Variants in SLA observed in about 807,000 individuals in gnomAD.
SLA encodes Src like adaptor.
In SLA, 16 loss-of-function variants were observed where a neutral mutation model predicts 30.3. The observed-to-expected ratio is 0.53, with a 90% confidence interval of 0.36 to 0.80. The LOEUF is 0.80. Ranked by LOEUF, SLA falls within the 30% of genes least tolerant of loss-of-function variation. The probability of loss-of-function intolerance (pLI) is 0.01; values close to 1 mark genes in which losing one functional copy is unlikely to be tolerated. For missense variants in SLA, 310 were observed against 345.2 expected, an observed-to-expected ratio of 0.90 and a Z score of 0.81; for synonymous variants, 143 against 137.8, an observed-to-expected ratio of 1.04 and a Z score of -0.26.
At chr8:133,057,356 A>G (rs1478010906) in intron 3 of SLA, among the ~76,000 whole-genome samples, 2 of 152,234 alleles carry the variant, frequency 1.3e-5, no homozygotes, top group African/African-American at 4.8e-5. Context: ...AGAAGTATGT[A>G]TAGAATTGTA....
rs1189000482 is a variant in SLA at position 133,037,456 on chromosome 8, T to C, written c.*1068A>G. ...TCTAAAAAATCCAGCTATTCTTACC[T>C]ACCCGATCCAGCCAGCCCTTCCACT... On this transcript the variant is annotated 3_prime_UTR_variant, in exon 9 of 9. Coordinates refer to ENST00000338087, the MANE Select transcript of SLA (RefSeq NM_001045556.3). The C allele has an allele frequency of 6.6e-6, 1 of 152,156 alleles. No individual in the cohort carries two copies. Among genetic ancestry groups the C allele is most frequent in the East Asian group, 1.9e-4 (1 of 5,192 alleles). 9.4% of individuals were successfully genotyped at this position (152,156 alleles called of 1,614,324 possible).
intron 1 of SLA, chr8:133,094,966 T>C: frequency 2.5e-6 from 4 of 1,596,488 alleles, no homozygotes; most frequent in Middle Eastern, 4.5e-4. Context: ...AGAACCCTGA[T>C]GTGGCACTGA....
intron 8 of SLA, among the ~76,000 whole-genome samples, 173 bp downstream of exon 8, chr8:133,039,825 C>A (rs1375226195): frequency 6.6e-6 from 1 of 152,094 alleles, no homozygotes; most frequent in African/African-American, 2.4e-5. Flanking sequence ...CCCAGGGATT[C>A]CCTTGGTCTA....
intron 1 of SLA, chr8:133,087,652 T>G (rs1302269046): frequency 6.6e-6 from 1 of 152,256 alleles, no homozygotes; most frequent in Non-Finnish European, 1.5e-5. Flanking sequence ...ATTAATTCAT[T>G]GGAGACAAGT....
At chr8:133,039,309 C>T (rs796338557) in intron 8 of SLA, among the ~76,000 whole-genome samples, 15 of 152,258 alleles carry the variant, frequency 9.9e-5, no homozygotes, top group South Asian at 4.1e-4. Context: ...TCACTTAACC[C>T]GTCTGAACTG....
chr8:133,060,431 T>A, intron 2 of SLA: 1 of 1,437,788 alleles, frequency 7.0e-7, no homozygotes, highest in Non-Finnish European at 9.2e-7. Flanking sequence ...TGCTAGCAAA[T>A]GCTGTTGGTG....
Position 133,039,296 on chromosome 8 carries a change from A to G in SLA, c.618-559T>C, listed in dbSNP as rs118147999. 2.2e-3 allele frequency among the ~76,000 whole-genome samples: 331 copies of G among 152,368 alleles called. 3 individuals carry two copies. In the East Asian group the frequency reaches 0.025, roughly 12 times the overall value. On this transcript the variant is annotated intron_variant, in intron 8 of 8. Transcript: ENST00000338087. ...ATTTGTGGGCTGTGTGATCTTGGACAAATCACTTAACCCGTCTGAACTGCT... is the reference window on the plus strand; with the variant it reads ...ATTTGTGGGCTGTGTGATCTTGGACGAATCACTTAACCCGTCTGAACTGCT...
At chr8:133,056,206 A>G (rs2131285679) in intron 3 of SLA, among the ~76,000 whole-genome samples, 1 of 152,332 alleles carries the variant, frequency 6.6e-6, no homozygotes, top group South Asian at 2.1e-4. Context: ...ATTCTAAGCA[A>G]TGTGACATCG....
At chr8:133,056,349 A>G (rs533642972) in intron 3 of SLA, among the ~76,000 whole-genome samples, 1 of 152,280 alleles carries the variant, frequency 6.6e-6, no homozygotes, top group East Asian at 1.9e-4. Context: ...GAAAAAAGGG[A>G]TCTGGTCCAA....
At chr8:133,063,639 A>C (rs1842700436) in intron 2 of SLA, 1 of 152,176 alleles carries the variant, frequency 6.6e-6, no homozygotes, top group Non-Finnish European at 1.5e-5. Context: ...CTTCTACGCT[A>C]ACAGTCTTCT....
At chr8:133,068,511 G>C (rs1843435619) in intron 2 of SLA, among the ~76,000 whole-genome samples, 1 of 152,206 alleles carries the variant, frequency 6.6e-6, no homozygotes, top group Admixed American at 6.5e-5. Context: ...TAAGTCACTA[G>C]ACCACTCTTT....
At chr8:133,086,894 C>A (rs1177364906) in intron 1 of SLA, among the ~76,000 whole-genome samples, 1 of 152,148 alleles carries the variant, frequency 6.6e-6, no homozygotes, top group Non-Finnish European at 1.5e-5. Context: ...GTGCCCCTAA[C>A]CTGTCTATAA....
intron 1 of SLA, among the ~76,000 whole-genome samples, chr8:133,099,556 A>G (rs1458169246): frequency 6.6e-6 from 1 of 152,154 alleles, no homozygotes; most frequent in Admixed American, 6.5e-5. Context: ...CCCACTTGAC[A>G]TCTTCACTTA....
intron 1 of SLA, among the ~76,000 whole-genome samples, chr8:133,100,019 CA>C (rs1402791657): frequency 6.6e-5 from 10 of 152,340 alleles, no homozygotes; most frequent in African/African-American, 2.4e-4. Context: ...TCCTCTCATG[CA>C]GAGGAAAATT....
intron 1 of SLA, among the ~76,000 whole-genome samples, chr8:133,082,693 C>T (rs1016398999): frequency 1.3e-5 from 2 of 152,194 alleles, no homozygotes; most frequent in African/African-American, 4.8e-5. Flanking sequence ...TAAACCTTGC[C>T]CAATCACTTC....
chr8:133,063,917 T>C (rs749099829), intron 2 of SLA, among the ~76,000 whole-genome samples: 7 of 152,228 alleles, frequency 4.6e-5, no homozygotes, highest in Non-Finnish European at 1.0e-4. Context: ...TGATTTAATC[T>C]GTGACAATTT....
chr8:133,064,252 C>G (rs761258417), intron 2 of SLA: 1 of 152,206 alleles, frequency 6.6e-6, no homozygotes, highest in Non-Finnish European at 1.5e-5. Context: ...TTTTAGCAAT[C>G]AAGACTCAAT....
chr8:133,043,344 C>G (rs183969113), intron 7 of SLA, among the ~76,000 whole-genome samples: 3 of 152,170 alleles, frequency 2.0e-5, no homozygotes, highest in South Asian at 2.1e-4. Flanking sequence ...CTCCACACCC[C>G]CTCCGATGGT....
At chr8:133,055,942 G>A (rs754104710) in intron 3 of SLA, among the ~76,000 whole-genome samples, 43 of 152,012 alleles carry the variant, frequency 2.8e-4, no homozygotes, top group Non-Finnish European at 5.0e-4. Flanking sequence ...AAGTCCTCAC[G>A]CCTCCCTGTG....
Sources: gnomAD v4.1 joint callset for allele counts (sites outside exome capture counted in the v4.1 genomes callset) on GRCh38, gnomAD v4.1.1 for gene constraint, MANE v1.5 for transcripts, NCBI Gene and HGNC (gene_info 2026-07-23, HGNC 2026-07-21) for gene names.